Variants in SERGEF observed in about 807,000 individuals in gnomAD.
The protein encoded by SERGEF is secretion-regulating guanine nucleotide exchange factor.
SERGEF carries 51 observed loss-of-function variants against 50.0 expected under a neutral mutation model. The ratio of observed to expected loss-of-function variants is 1.02; its 90% CI spans 0.81 to 1.29. SERGEF has a LOEUF of 1.29. SERGEF is among the 50% of genes most tolerant of loss of function. The pLI is 0.00. For synonymous variants in SERGEF, 205 were observed against 212.4 expected, an observed-to-expected ratio of 0.97 and a Z score of 0.30; for missense variants, 521 against 557.0, an observed-to-expected ratio of 0.94 and a Z score of 0.65.
At chr11:17,922,267 C>A (rs901529171) in intron 9 of SERGEF, among the ~76,000 whole-genome samples, 2 of 152,176 alleles carry the variant, frequency 1.3e-5, no homozygotes, top group African/African-American at 4.8e-5. Flanking sequence ...CAAATGAGCT[C>A]TGGCAGTGAG....
chr11:17,828,220 G>A (rs1241840568), intron 10 of SERGEF, among the ~76,000 whole-genome samples: 2 of 152,212 alleles, frequency 1.3e-5, no homozygotes, highest in African/African-American at 4.8e-5. Flanking sequence ...TGTGTTACAG[G>A]TATGAGTGTG....
At position 17,805,527 on chromosome 11, in the gene SERGEF, C is replaced by T. The variant is rs142843327; in HGVS notation, c.1049-17114G>A. Among the ~76,000 whole-genome samples the T allele has an allele frequency of 1.6e-4, 25 of 152,324 alleles. No individual in the cohort carries two copies. The East Asian group carries it at 4.8e-3, about 29-fold the overall frequency. ...CATCAGCCCCACCACAACCCTGAAG[C>T]AAGAAGGTCAGAGAATAAGCACCTT... On this transcript the variant is annotated intron_variant, in intron 10 of 10. Coordinates refer to ENST00000265965, the MANE Select transcript of SERGEF (RefSeq NM_012139.4).
intron 10 of SERGEF, chr11:17,855,422 G>A (rs1850799866): frequency 6.6e-6 from 1 of 152,232 alleles, no homozygotes; most frequent in African/African-American, 2.4e-5. Flanking sequence ...TTTAAATACA[G>A]TAGTGCCCCC....
intron 8 of SERGEF, among the ~76,000 whole-genome samples, chr11:17,970,091 C>T (rs1853215505): frequency 6.6e-6 from 1 of 152,236 alleles, no homozygotes; most frequent in African/African-American, 2.4e-5. Flanking sequence ...AGGCATACTT[C>T]ACTTTATTGC....
chr11:18,007,869 T>C, intron 2 of SERGEF, 72 bp downstream of exon 2: 4 of 1,410,010 alleles, frequency 2.8e-6, no homozygotes, highest in Non-Finnish European at 3.9e-6. Context: ...GGCTGAAAGA[T>C]GGCAATATCA....
At chr11:17,799,086 C>T (rs1849617918) in intron 10 of SERGEF, among the ~76,000 whole-genome samples, 1 of 152,194 alleles carries the variant, frequency 6.6e-6, no homozygotes. Flanking sequence ...CCTGGTGATA[C>T]CTCCTCCCTC....
At chr11:17,956,718 A>G (rs549955062) in intron 9 of SERGEF, among the ~76,000 whole-genome samples, 1 of 152,132 alleles carries the variant, frequency 6.6e-6, no homozygotes, top group South Asian at 2.1e-4. Flanking sequence ...TATCCCTTGG[A>G]CATTAAAGGC....
At chr11:17,887,750 T>C (rs553258324) in intron 9 of SERGEF, among the ~76,000 whole-genome samples, 2 of 152,252 alleles carry the variant, frequency 1.3e-5, no homozygotes, top group Non-Finnish European at 2.9e-5. Context: ...AGCATGTTCA[T>C]AGCAGTTTTA....
At chr11:17,815,449 A>AAT (rs1210251755) in intron 10 of SERGEF, among the ~76,000 whole-genome samples, 1 of 150,836 alleles carries the variant, frequency 6.6e-6, no homozygotes, top group Non-Finnish European at 1.5e-5. Flanking sequence ...AAAAAAAAAA[A>AAT]AAAAAAAATA....
intron 9 of SERGEF, among the ~76,000 whole-genome samples, chr11:17,879,518 T>C (rs897092232): frequency 6.6e-6 from 1 of 152,218 alleles, no homozygotes; most frequent in African/African-American, 2.4e-5. Context: ...AAACTAAGAC[T>C]AGAGCCACCA....
In SERGEF at chr11:17,885,425, G is replaced by A. The variant is rs540733412; in HGVS notation, c.1012-7181C>T. ...TAACCTCGAATTCCTGGGCTCAAGCGACCCTTCTGCCTTAGCTTCCTGAGT... is the reference window on the plus strand; with the variant it reads ...TAACCTCGAATTCCTGGGCTCAAGCAACCCTTCTGCCTTAGCTTCCTGAGT... On this transcript the variant is annotated intron_variant, in intron 9 of 10. Transcript: ENST00000265965. Among the ~76,000 whole-genome samples the A allele has an allele frequency of 3.3e-5, 5 of 152,144 alleles. No individual in the cohort carries two copies. The East Asian group carries it at 5.8e-4, about 18-fold the overall frequency.
At chr11:17,984,564 G>C (rs1853557222) in intron 8 of SERGEF, among the ~76,000 whole-genome samples, 1 of 152,162 alleles carries the variant, frequency 6.6e-6, no homozygotes, top group Non-Finnish European at 1.5e-5. Flanking sequence ...TGAGATTTGG[G>C]TGGGGACACA....
chr11:18,004,455 G>C lies in SERGEF; in HGVS notation c.433C>G (p.Pro145Ala), dbSNP rs746322014. 1.2e-5 allele frequency: 19 copies of C among 1,613,494 alleles called. No homozygotes were observed. Among genetic ancestry groups the C allele is most frequent in the Non-Finnish European group, 1.6e-5 (19 of 1,179,530 alleles). The part of the protein sequence containing the change: ...VPHGPRRCVV[P>A]QAIELHKEKV... ...ACTGTCCTCACCTCAATGGCCTGGG[G>C]AACCACACATCTTCGAGGTCCATGA... Residue 145 changes from proline to alanine, a missense_variant, in exon 4 of 11, where the codon CCC becomes GCC. Coordinates refer to ENST00000265965, the MANE Select transcript of SERGEF (RefSeq NM_012139.4).
chr11:17,885,488 A>AT (rs909465844), intron 9 of SERGEF, among the ~76,000 whole-genome samples: 120 of 146,908 alleles, frequency 8.2e-4, no homozygotes, highest in Middle Eastern at 3.6e-3. Context: ...TGCCTGGCCA[A>AT]TTTTTTTTTT....
rs763375499 is a variant in SERGEF, at chr11:17,884,463, C to T, written c.1012-6219G>A. ...GCTCTGCCCAAACCCGGTTTCCATC[C>T]GTGTATCTCTGGGGTGACAACCAGA... On this transcript the variant is annotated intron_variant, in intron 9 of 10. Coordinates refer to ENST00000265965, the MANE Select transcript of SERGEF (RefSeq NM_012139.4). This position sits in a 1 kb window ranked among gnomAD's most constrained non-coding sequence, Gnocchi z 4.6. 5.3e-5 allele frequency among the ~76,000 whole-genome samples: 8 copies of T among 152,086 alleles called. No homozygotes were observed. The highest frequency in any genetic ancestry group is 1.2e-4 in the Non-Finnish European group (8 of 68,016).
chr11:17,788,742 C>T (rs750664214), intron 10 of SERGEF, among the ~76,000 whole-genome samples: 1 of 152,200 alleles, frequency 6.6e-6, no homozygotes, highest in Non-Finnish European at 1.5e-5. Context: ...AAAAACATCT[C>T]AAATCTTTCC....
intron 6 of SERGEF, 63 bp from the exon 7 acceptor site, chr11:17,993,056 G>A: frequency 7.1e-7 from 1 of 1,405,690 alleles, no homozygotes; most frequent in Non-Finnish European, 1.0e-6. Flanking sequence ...GCAGAGAGGG[G>A]GCACTCAGCC....
intron 1 of SERGEF, chr11:18,010,003 A>C (rs2134016566): frequency 1.6e-6 from 1 of 617,110 alleles, no homozygotes; most frequent in East Asian, 6.8e-5. Context: ...AATTGAAGAC[A>C]AGGGATTGTG....
At chr11:17,867,537 A>C (rs72873826) in intron 10 of SERGEF, among the ~76,000 whole-genome samples, 3,821 of 152,172 alleles carry the variant, frequency 0.025, 72 homozygotes, top group Non-Finnish European at 0.036. Flanking sequence ...TGGCTTTTGC[A>C]GGTGCACAGC....
Sources: gnomAD v4.1 joint callset for allele counts (sites outside exome capture counted in the v4.1 genomes callset) on GRCh38, gnomAD v4.1.1 for gene constraint, Gnocchi (gnomAD v3.1) non-coding constraint, MANE v1.5 for transcripts, NCBI Gene and HGNC (gene_info 2026-07-23, HGNC 2026-07-21) for gene names.